The following MAPKAP1 variants were observed in gnomAD, a reference collection of about 807,000 sequenced individuals.
MAPKAP1 encodes the protein target of rapamycin complex 2 subunit MAPKAP1.
MAPKAP1 carries 20 observed loss-of-function variants against 65.7 expected under a neutral mutation model. The ratio of observed to expected loss-of-function variants is 0.30; its 90% CI spans 0.21 to 0.44. The LOEUF is 0.44. Among genes scored for constraint, MAPKAP1 ranks in the 20% least tolerant of loss-of-function variants. MAPKAP1 has a pLI of 1.00. For missense variants in MAPKAP1, 423 were observed against 648.0 expected (o/e 0.65, Z 3.77); for synonymous variants, 222 against 244.3 (o/e 0.91, Z 0.85).
At chr9:125,552,073 T>C (rs1422490521) in intron 6 of MAPKAP1, among the ~76,000 whole-genome samples, 1 of 152,206 alleles carries the variant, frequency 6.6e-6, no homozygotes, top group Non-Finnish European at 1.5e-5. Context: ...ACTACTGATA[T>C]CCAAACATCT....
intron 4 of MAPKAP1, among the ~76,000 whole-genome samples, chr9:125,616,065 G>A (rs1179706880): frequency 6.6e-6 from 1 of 152,146 alleles, no homozygotes; most frequent in Non-Finnish European, 1.5e-5. Flanking sequence ...GAAAAGTCCA[G>A]GAAGAGCAGC....
rs747588024 is a variant in MAPKAP1, at chr9:125,597,092, C to G, written c.499-11365G>C. On this transcript the variant is annotated intron_variant, in intron 4 of 11. Transcript: ENST00000265960. ...CCTGGCTAACAAAGTGAAACCCTGT[C>G]TCTACTAAAACAAATACAAAAAATT... Among the ~76,000 whole-genome samples, 10 of 151,606 alleles carry G rather than the reference C, an allele frequency of 6.6e-5. No individual in the cohort carries two copies. In the East Asian group the frequency reaches 1.4e-3, roughly 21 times the overall value.
At chr9:125,479,504 C>G (rs920559373) in intron 9 of MAPKAP1, among the ~76,000 whole-genome samples, 1 of 150,600 alleles carries the variant, frequency 6.6e-6, no homozygotes, top group East Asian at 2.0e-4. Context: ...TGCTTGAACC[C>G]GGGAGGCGGA....
chr9:125,644,358 A>G (rs1478266021), intron 4 of MAPKAP1, among the ~76,000 whole-genome samples: 2 of 151,406 alleles, frequency 1.3e-5, no homozygotes, highest in Non-Finnish European at 2.9e-5. Context: ...AGAGTCCTTG[A>G]AAAAAAAACA....
At chr9:125,609,646 C>G (rs965031267) in intron 4 of MAPKAP1, among the ~76,000 whole-genome samples, 1 of 152,132 alleles carries the variant, frequency 6.6e-6, no homozygotes, top group Non-Finnish European at 1.5e-5. Flanking sequence ...GCCTGGCCTG[C>G]CAAGCTTCAT....
chr9:125,555,186 T>C (rs1319980960), intron 6 of MAPKAP1, among the ~76,000 whole-genome samples: 2 of 152,226 alleles, frequency 1.3e-5, no homozygotes, highest in Non-Finnish European at 2.9e-5. Flanking sequence ...TGTATCTAAG[T>C]AGCATTATTA....
In MAPKAP1 at chr9:125,642,196, C is replaced by A. The variant is rs374485450; in HGVS notation, c.498+15455G>T. ...CTCCAGCCTGGGCAACAGAGTAAGA[C>A]TGTCTCAAGAAAAAAAAAAGGAAAG... On this transcript the variant is annotated intron_variant, in intron 4 of 11. Transcript: ENST00000265960. Among the ~76,000 whole-genome samples the A allele has an allele frequency of 1.4e-4, 20 of 146,406 alleles. No homozygotes were observed. The East Asian group carries it at 3.2e-3, about 23-fold the overall frequency.
intron 4 of MAPKAP1, among the ~76,000 whole-genome samples, chr9:125,597,182 G>C (rs1388429411): frequency 1.3e-5 from 2 of 148,676 alleles, no homozygotes; most frequent in Admixed American, 6.8e-5. Context: ...GGAGAATGGC[G>C]TGAACCCAGG....
intron 8 of MAPKAP1, among the ~76,000 whole-genome samples, chr9:125,484,963 C>T (rs1854448214): frequency 6.6e-6 from 1 of 152,026 alleles, no homozygotes; most frequent in Admixed American, 6.6e-5. Context: ...AAAAGTAATC[C>T]ACATTCCTTG....
intron 10 of MAPKAP1, among the ~76,000 whole-genome samples, chr9:125,451,968 C>T (rs113279557): frequency 5.3e-5 from 8 of 152,054 alleles, no homozygotes; most frequent in Non-Finnish European, 1.0e-4. Flanking sequence ...TGCCACCACG[C>T]CAGGCTAATT....
chr9:125,652,294 A>ACTAT, intron 4 of MAPKAP1: 1 of 1,173,704 alleles, frequency 8.5e-7, no homozygotes, highest in South Asian at 1.8e-5. Flanking sequence ...GTATTTAAGG[A>ACTAT]CTATCATCCC....
chr9:125,500,422 T>A (rs1293382298), intron 8 of MAPKAP1, among the ~76,000 whole-genome samples: 3 of 151,792 alleles, frequency 2.0e-5, no homozygotes, highest in Non-Finnish European at 2.9e-5. Context: ...CTCGATCTCC[T>A]GACCTCGTGA....
intron 1 of MAPKAP1, among the ~76,000 whole-genome samples, chr9:125,695,547 T>C (rs1835357436): frequency 2.0e-5 from 3 of 152,194 alleles, no homozygotes; most frequent in African/African-American, 7.2e-5. Flanking sequence ...AAAAGAAACA[T>C]CTTGCCTGAT....
intron 4 of MAPKAP1, among the ~76,000 whole-genome samples, chr9:125,609,562 G>T (rs1832540443): frequency 6.6e-6 from 1 of 152,064 alleles, no homozygotes; most frequent in Non-Finnish European, 1.5e-5. Context: ...GCCCAGGTTG[G>T]TCTTGAACTC....
At chr9:125,563,178 A>C (rs1830943004) in intron 5 of MAPKAP1, among the ~76,000 whole-genome samples, 1 of 152,186 alleles carries the variant, frequency 6.6e-6, no homozygotes, top group Non-Finnish European at 1.5e-5. Flanking sequence ...TATTCTTTAA[A>C]CAAATAAAAA....
intron 4 of MAPKAP1, among the ~76,000 whole-genome samples, chr9:125,589,467 C>T (rs545563663): frequency 1.3e-5 from 2 of 152,292 alleles, no homozygotes; most frequent in African/African-American, 4.8e-5. Context: ...TTATGAATGA[C>T]TCCAGTGCCT....
At chr9:125,566,439 C>T (rs1167922305) in intron 5 of MAPKAP1, among the ~76,000 whole-genome samples, 1 of 152,132 alleles carries the variant, frequency 6.6e-6, no homozygotes, top group Non-Finnish European at 1.5e-5. Flanking sequence ...GTGGCACATG[C>T]TTGTAGTCCC....
intron 1 of MAPKAP1, among the ~76,000 whole-genome samples, chr9:125,706,263 TG>T (rs1271240540): frequency 6.6e-6 from 1 of 151,964 alleles, no homozygotes; most frequent in Non-Finnish European, 1.5e-5. Context: ...TTTAAACCAA[TG>T]GGTCTCCATT....
intron 5 of MAPKAP1, among the ~76,000 whole-genome samples, chr9:125,576,051 C>T (rs1831385248): frequency 6.6e-6 from 1 of 152,194 alleles, no homozygotes; most frequent in South Asian, 2.1e-4. Context: ...TGCTTAAATG[C>T]ATACTGCTAA....
Sources: allele counts gnomAD v4.1 joint callset (sites outside exome capture counted in the v4.1 genomes callset), GRCh38; gene constraint gnomAD v4.1.1; transcripts MANE v1.5; gene names NCBI Gene and HGNC (gene_info 2026-07-23, HGNC 2026-07-21).